Variants in FAM227A observed in about 807,000 individuals in gnomAD.
FAM227A encodes the protein family with sequence similarity 227 member A, also known as protein FAM227A.
FAM227A carries 80 observed loss-of-function variants against 74.7 expected under a neutral mutation model. The observed-to-expected ratio is 1.07, with a 90% CI of 0.89 to 1.29. FAM227A has a LOEUF of 1.29. Among genes scored for constraint, FAM227A ranks in the 50% most tolerant of loss-of-function variants. The pLI is 0.00. For synonymous variants in FAM227A, 237 were observed against 241.8 expected, an observed-to-expected ratio of 0.98 and a Z score of 0.19; for missense variants, 654 against 683.4, an observed-to-expected ratio of 0.96 and a Z score of 0.48.
At chr22:38,615,750 G>C (rs1360715416) in intron 11 of FAM227A, among the ~76,000 whole-genome samples, 1 of 152,142 alleles carries the variant, frequency 6.6e-6, no homozygotes, top group African/African-American at 2.4e-5. Flanking sequence ...TTTAAGCAGG[G>C]AATAACCCCA....
Position 38,582,426 on chromosome 22 carries a change from C to G in FAM227A, c.*3699G>C, listed in dbSNP as rs1377117051. On this transcript the variant is annotated 3_prime_UTR_variant, in exon 17 of 17. Coordinates refer to ENST00000535113, the MANE Select transcript of FAM227A (RefSeq NM_001013647.2). Reference sequence around the variant, plus strand: ...ACTGGGAATGACAGAATTAGAATATCATACAATTACTCATTTGCTTTATCC... The same window carrying G: ...ACTGGGAATGACAGAATTAGAATATGATACAATTACTCATTTGCTTTATCC... 1 of 1,548,660 alleles carries G rather than the reference C, an allele frequency of 6.5e-7. No individual in the cohort carries two copies. The highest frequency in any genetic ancestry group is 8.7e-7 in the Non-Finnish European group (1 of 1,145,510).
At chr22:38,634,221 CAAAAAAAA>C (rs34039010) in intron 6 of FAM227A, among the ~76,000 whole-genome samples, 60 of 62,156 alleles carry the variant, frequency 9.7e-4, no homozygotes, top group African/African-American at 3.5e-3. Context: ...GACTCTGTCT[CAAAAAAAA>C]AAAAAAAAAA....
At chr22:38,616,132 T>C (rs2091570153) in intron 11 of FAM227A, among the ~76,000 whole-genome samples, 1 of 151,898 alleles carries the variant, frequency 6.6e-6, no homozygotes, top group African/African-American at 2.4e-5. Context: ...GCAGAGAAGA[T>C]GGAGAGGGGT....
Position 38,638,667 on chromosome 22 carries a change from T to C in FAM227A, c.372+79A>G, listed in dbSNP as rs986034351. 5 of 1,055,978 alleles carry C rather than the reference T, an allele frequency of 4.7e-6. No individual in the cohort carries two copies. The African/African-American group carries it at 4.8e-5, about 10-fold the overall frequency. 65.4% of individuals were successfully genotyped at this position (1,055,978 alleles called of 1,614,324 possible). ...TAATCACTACCCAGGCACCAAGTAT[T>C]CTCCTCCCCAGGAATAAAATCTTTA... On this transcript the variant is annotated intron_variant, in intron 5 of 16. Transcript: ENST00000535113.
At chr22:38,630,408 T>C (rs1195722779) in intron 6 of FAM227A, among the ~76,000 whole-genome samples, 1 of 152,238 alleles carries the variant, frequency 6.6e-6, no homozygotes, top group Non-Finnish European at 1.5e-5. Flanking sequence ...GGTGCCAGAC[T>C]GCCTGGATTC....
intron 1 of FAM227A, among the ~76,000 whole-genome samples, chr22:38,654,975 A>C (rs1603103016): frequency 6.7e-6 from 1 of 148,352 alleles, no homozygotes; most frequent in East Asian, 2.0e-4. Flanking sequence ...TAAATAAATA[A>C]ATACCAAAAA....
chr22:38,619,976 C>T (rs1328537485), intron 11 of FAM227A, among the ~76,000 whole-genome samples: 1 of 152,064 alleles, frequency 6.6e-6, no homozygotes, highest in Non-Finnish European at 1.5e-5. Flanking sequence ...TGGTTCCTTC[C>T]CTCTCTCTTC....
intron 10 of FAM227A, among the ~76,000 whole-genome samples, chr22:38,620,542 G>A (rs1397411270): frequency 6.6e-6 from 1 of 152,142 alleles, no homozygotes; most frequent in Non-Finnish European, 1.5e-5. Context: ...GGTGGCTCAC[G>A]CCTGTAATCC....
Position 38,582,745 on chromosome 22 carries a change from C to T in FAM227A, c.*3380G>A. 1 of 1,348,112 alleles carries T rather than the reference C, an allele frequency of 7.4e-7. No homozygotes were observed. The highest frequency in any genetic ancestry group is 1.3e-5 in the South Asian group (1 of 76,858). The allele number at this position is 1,348,112 out of a possible 1,614,324, so 83.5% of individuals were successfully genotyped here. A position where few individuals can be genotyped will look rare whatever the true frequency, so the allele number is the denominator to read the frequency against. ...AGGAGACCTTCTTGCTGTATGGGGG[C>T]TAATAGTAGCGGTGGATAGGTAGAC... On this transcript the variant is annotated 3_prime_UTR_variant, in exon 17 of 17. Transcript: ENST00000535113.
intron 3 of FAM227A, among the ~76,000 whole-genome samples, chr22:38,642,348 G>GT (rs2092135190): frequency 6.6e-6 from 1 of 152,114 alleles, no homozygotes; most frequent in Non-Finnish European, 1.5e-5. Context: ...ACCCTGAGAG[G>GT]TAAAAACTCC....
At chr22:38,636,412 G>A in intron 6 of FAM227A, 39 bp downstream of exon 6, 2 of 1,544,394 alleles carry the variant, frequency 1.3e-6, no homozygotes, top group Middle Eastern at 2.0e-4. Context: ...TTTGCCCCAT[G>A]GGTTGGCAAA....
chr22:38,638,763 A>G lies in FAM227A; in HGVS notation c.355T>C (p.Ser119Pro). 1 of 1,549,916 alleles carries G rather than the reference A, an allele frequency of 6.5e-7. No individual in the cohort carries two copies. The highest frequency in any genetic ancestry group is 2.0e-5 in the Admixed American group (1 of 50,642). ...TCCCTTACCCTTTTTATAACAGAAG[A>G]TCTGGCATGTCTGAGTTCGGAGCCT... The part of the protein sequence containing the change: ...CKGSELRHAR[S>P]SVIKRKTADK... The change falls in exon 5 of 17, where the codon TCT (serine) becomes CCT (proline). Residue 119 changes from serine (S) to proline (P), a missense_variant. Coordinates refer to ENST00000535113, the MANE Select transcript of FAM227A (RefSeq NM_001013647.2).
rs186014498 is a variant in FAM227A, at chr22:38,607,325, C to T, written c.1126+64G>A. The T allele has an allele frequency of 6.4e-4, 810 of 1,269,290 alleles. 7 individuals are homozygous for T. The African/African-American group carries it at 0.011, about 17-fold the overall frequency. 78.6% of individuals were successfully genotyped at this position (1,269,290 alleles called of 1,614,324 possible). On this transcript the variant is annotated intron_variant, in intron 12 of 16. Coordinates refer to ENST00000535113, the MANE Select transcript of FAM227A (RefSeq NM_001013647.2). ...ATTCTGTTCATACGAACCCAAGAAA[C>T]CAGGGTTTTGGAGACAATAACTAAG...
At chr22:38,654,748 G>T (rs1170220472) in intron 1 of FAM227A, among the ~76,000 whole-genome samples, 5 of 146,530 alleles carry the variant, frequency 3.4e-5, no homozygotes, top group African/African-American at 1.3e-4. Context: ...GGCTAACATG[G>T]TGAAACCCCA....
intron 11 of FAM227A, among the ~76,000 whole-genome samples, chr22:38,616,728 C>G (rs1248626900): frequency 1.3e-5 from 2 of 151,364 alleles, no homozygotes; most frequent in Non-Finnish European, 2.9e-5. Flanking sequence ...GATGTGGAGT[C>G]AAGATAAGAG....
At chr22:38,649,936 A>G (rs2092299966) in intron 2 of FAM227A, 91 bp downstream of exon 2, 3 of 1,143,592 alleles carry the variant, frequency 2.6e-6, no homozygotes, top group Non-Finnish European at 3.7e-6. Flanking sequence ...AGTAATGTGC[A>G]TTATAGACCT....
chr22:38,628,120 G>C, intron 8 of FAM227A, 118 bp downstream of exon 8: 2 of 675,088 alleles, frequency 3.0e-6, no homozygotes, highest in Non-Finnish European at 5.3e-6. Context: ...TCAGTGTATG[G>C]ATTATGACAA....
At chr22:38,595,319 C>T (rs371380000) in intron 15 of FAM227A, among the ~76,000 whole-genome samples, 1 of 152,162 alleles carries the variant, frequency 6.6e-6, no homozygotes, top group Non-Finnish European at 1.5e-5. Context: ...GTGGAAATCT[C>T]GCCCTCCTTG....
rs867745773 is a variant in FAM227A at position 38,581,364 on chromosome 22, C to A, written c.*4761G>T. 6.6e-6 allele frequency: 1 copy of A among 152,158 alleles called. No individual in the cohort carries two copies. 9.4% of individuals were successfully genotyped at this position (152,158 alleles called of 1,614,324 possible). On this transcript the variant is annotated 3_prime_UTR_variant, in exon 17 of 17. Transcript: ENST00000535113. Reference sequence around the variant, plus strand: ...GATCCTTTTAGGGCAAATAGTATTTCAAGACCACAGTCTGGGTCACTGCTG... The same window carrying A: ...GATCCTTTTAGGGCAAATAGTATTTAAAGACCACAGTCTGGGTCACTGCTG...
Sources: allele counts gnomAD v4.1 joint callset (sites outside exome capture counted in the v4.1 genomes callset), GRCh38; gene constraint gnomAD v4.1.1; transcripts MANE v1.5; gene names NCBI Gene and HGNC (gene_info 2026-07-23, HGNC 2026-07-21).